Variants in ADCY5 observed in about 807,000 individuals in gnomAD.
The protein encoded by ADCY5 is adenylate cyclase type 5.
A neutral mutation model predicts 119.7 loss-of-function variants in ADCY5; 30 were observed. The observed-to-expected ratio is 0.25, with a 90% CI of 0.19 to 0.34. The LOEUF (loss-of-function observed/expected upper bound fraction) is 0.34, where lower values mean the gene tolerates loss of function less well. ADCY5 is among the 10% of genes least tolerant of loss of function. The probability of loss-of-function intolerance (pLI) is 1.00; values close to 1 mark genes in which losing one functional copy is unlikely to be tolerated. For synonymous variants in ADCY5, 753 were observed against 762.2 expected (o/e 0.99, Z 0.20); for missense variants, 1,324 against 1,775.2 (o/e 0.75, Z 4.57).
intron 1 of ADCY5, among the ~76,000 whole-genome samples, chr3:123,395,444 T>C (rs1397496830): frequency 6.6e-6 from 1 of 152,246 alleles, no homozygotes; most frequent in African/African-American, 2.4e-5. Context: ...CTTTCCATAC[T>C]GAGTGGATGG....
intron 3 of ADCY5, among the ~76,000 whole-genome samples, chr3:123,345,799 A>C (rs897076027): frequency 3.6e-5 from 2 of 55,958 alleles, no homozygotes; most frequent in Non-Finnish European, 6.8e-5. Flanking sequence ...CACACACAGG[A>C]AACCAAATCT....
chr3:123,419,066 C>A, intron 1 of ADCY5: 2 of 853,544 alleles, frequency 2.3e-6, no homozygotes, highest in Non-Finnish European at 2.8e-6. Flanking sequence ...ACGGCATGAG[C>A]CAATCCCCCA....
intron 1 of ADCY5, among the ~76,000 whole-genome samples, chr3:123,439,124 G>A (rs1945678240): frequency 1.7e-5 from 2 of 115,332 alleles, no homozygotes; most frequent in Non-Finnish European, 3.3e-5. Context: ...CTAGAGTGTA[G>A]TGGCGCAATC....
intron 1 of ADCY5, among the ~76,000 whole-genome samples, chr3:123,361,487 C>T (rs1169667725): frequency 6.6e-6 from 1 of 151,276 alleles, no homozygotes; most frequent in East Asian, 1.9e-4. Context: ...TATTCCCCAC[C>T]CCACCCTCCC....
chr3:123,297,160 G>C, intron 16 of ADCY5, 193 bp downstream of exon 16: 1 of 1,378,288 alleles, frequency 7.3e-7, no homozygotes, highest in Non-Finnish European at 1.0e-6. Context: ...CAGGGATCAT[G>C]AAAGTGACCA....
intron 4 of ADCY5, 49 bp from the exon 5 acceptor site, chr3:123,331,065 T>C (rs1941740939): frequency 1.3e-5 from 20 of 1,574,306 alleles, no homozygotes; most frequent in Non-Finnish European, 1.7e-5. Flanking sequence ...GAAAGAGAAG[T>C]GGGAGGGAAA....
chr3:123,417,351 C>A (rs1945207086), intron 1 of ADCY5, among the ~76,000 whole-genome samples: 1 of 152,220 alleles, frequency 6.6e-6, no homozygotes, highest in Non-Finnish European at 1.5e-5. Flanking sequence ...TTCCTGGGCT[C>A]CCTAATGGGG....
chr3:123,383,156 T>A (rs1944088644), intron 1 of ADCY5, among the ~76,000 whole-genome samples: 1 of 150,312 alleles, frequency 6.7e-6, no homozygotes, highest in Non-Finnish European at 1.5e-5. Context: ...GGTGAGTGGG[T>A]AGACAGGGAC....
intron 1 of ADCY5, among the ~76,000 whole-genome samples, chr3:123,424,397 G>C (rs1945359524): frequency 6.6e-6 from 1 of 152,196 alleles, no homozygotes; most frequent in South Asian, 2.1e-4. Flanking sequence ...CAGAGAAGCA[G>C]ACCTTGGGGC....
chr3:123,416,127 A>C (rs1328909991), intron 1 of ADCY5: 6 of 1,528,882 alleles, frequency 3.9e-6, no homozygotes, highest in Non-Finnish European at 5.3e-6. Flanking sequence ...AAGGAGAAGG[A>C]GAATCAGCAG....
At chr3:123,320,916 T>C (rs923629848) in intron 8 of ADCY5, 145 bp from the exon 9 acceptor site, 2 of 616,646 alleles carry the variant, frequency 3.2e-6, no homozygotes, top group Non-Finnish European at 5.8e-6. Flanking sequence ...AGCAGCTCCT[T>C]TCCTTCCTTC....
chr3:123,370,327 G>A (rs191844304), intron 1 of ADCY5, among the ~76,000 whole-genome samples: 16 of 152,324 alleles, frequency 1.1e-4, no homozygotes, highest in African/African-American at 3.4e-4. Flanking sequence ...ACTGTAAGTT[G>A]TCCAACTAAA....
At chr3:123,415,704 C>T (rs1945169825) in intron 1 of ADCY5, among the ~76,000 whole-genome samples, 1 of 152,166 alleles carries the variant, frequency 6.6e-6, no homozygotes, top group African/African-American at 2.4e-5. Context: ...CTTCTTACTA[C>T]ATTGTTTTTC....
At chr3:123,399,585 CATTATTGTTAACTATATGCAT>C (rs1322132468) in intron 1 of ADCY5, among the ~76,000 whole-genome samples, 2 of 152,012 alleles carry the variant, frequency 1.3e-5, no homozygotes, top group Admixed American at 1.3e-4. Flanking sequence ...GTGGAGAGTA[CATTATTGTTAACTATATGCAT>C]ATTATTGTAC....
At chr3:123,318,655 C>T (rs1293409594) in intron 10 of ADCY5, among the ~76,000 whole-genome samples, 1 of 152,228 alleles carries the variant, frequency 6.6e-6, no homozygotes, top group Non-Finnish European at 1.5e-5. Flanking sequence ...ACACCCAAGT[C>T]AGGTCCATAT....
intron 1 of ADCY5, among the ~76,000 whole-genome samples, chr3:123,386,789 C>T (rs1005557840): frequency 6.6e-6 from 1 of 152,178 alleles, no homozygotes; most frequent in African/African-American, 2.4e-5. Flanking sequence ...CGCCCCCGAC[C>T]CCACCCCGTT....
In ADCY5 at chr3:123,284,811, TCTGACTGCCCAGCCCTGTTGCCGCCC is replaced by T. The variant is rs1938623385; in HGVS notation, c.3658-101_3658-76del. ...TGAACTGCTGTGGGGTAGAGCCACC[TCTGACTGCCCAGCCCTGTTGCCGCCC>T]CTGACACAGAAGGAGAGGGGCAGCT... On this transcript the variant is annotated intron_variant, in intron 20 of 20. Transcript: ENST00000462833. 3.8e-6 allele frequency: 6 copies of T among 1,589,080 alleles called. No homozygotes were observed. In the Admixed American group the frequency reaches 8.4e-5, roughly 22 times the overall value.
chr3:123,436,204 AT>A (rs1296701556), intron 1 of ADCY5, among the ~76,000 whole-genome samples: 1 of 151,508 alleles, frequency 6.6e-6, no homozygotes, highest in Non-Finnish European at 1.5e-5. Context: ...CCCCATTTTT[AT>A]TTTAAAAAAT....
At chr3:123,407,588 C>G (rs1374812503) in intron 1 of ADCY5, among the ~76,000 whole-genome samples, 1 of 50,186 alleles carries the variant, frequency 2.0e-5, no homozygotes, top group Non-Finnish European at 3.8e-5. Flanking sequence ...CCTATCTCTA[C>G]TAAAAAAAAA....
Sources: gnomAD v4.1 joint callset for allele counts (sites outside exome capture counted in the v4.1 genomes callset) on GRCh38, gnomAD v4.1.1 for gene constraint, MANE v1.5 for transcripts, NCBI Gene and HGNC (gene_info 2026-07-23, HGNC 2026-07-21) for gene names.